TTN: variants seen among roughly 807,000 people sequenced by gnomAD.
TTN encodes connectin.
Under a neutral mutation model 3,223.0 loss-of-function variants are expected in TTN, and 1,525 were observed. That is an observed-to-expected ratio of 0.47 (90% CI 0.45 to 0.49). The LOEUF is 0.49. Among genes scored for constraint, TTN ranks in the 20% least tolerant of loss-of-function variants. TTN has a pLI of 0.00. For missense variants in TTN, 40,786 were observed against 43,424.0 expected (o/e 0.94, Z 5.40); for synonymous variants, 14,094 against 15,161.0 (o/e 0.93, Z 5.17).
chr2:178,578,114 T>C lies in TTN; in HGVS notation c.68401A>G (p.Arg22801Gly), dbSNP rs1465137040. ...KRANKTPIRM[R>G]DFKVTGLTEG... Reference sequence around the variant, plus strand: ...GTTAATCCTGTCACTTTAAAGTCTCTCATCCTTATCGGAGTCTTGTTAGCT... The same window carrying C: ...GTTAATCCTGTCACTTTAAAGTCTCCCATCCTTATCGGAGTCTTGTTAGCT... Residue 22801 changes from arginine to glycine, a missense_variant, in exon 322 of 363, where the codon AGA becomes GGA. Physicochemically the swap from Arg to Gly is moderately radical, Grantham distance 125. Coordinates refer to ENST00000589042, the MANE Select transcript of TTN (RefSeq NM_001267550.2). The C allele has an allele frequency of 6.2e-7, 1 of 1,613,296 alleles. No homozygotes were observed. The highest frequency in any genetic ancestry group is 8.5e-7 in the Non-Finnish European group (1 of 1,179,460).
chr2:178,683,152 A>C, intron 134 of TTN, 59 bp downstream of exon 134: 2 of 1,220,596 alleles, frequency 1.6e-6, no homozygotes, highest in South Asian at 2.6e-5. Context: ...ATTGGGAACT[A>C]GAAGGCAAAG....
chr2:178,720,076 C>T lies in TTN; in HGVS notation c.23566G>A (p.Gly7856Arg). The change falls in exon 81 of 363, where the codon GGG (glycine) becomes AGG (arginine). Residue 7856 changes from glycine (G) to arginine (R), a missense_variant. Gly to Arg is a moderately radical substitution (Grantham distance 125, BLOSUM62 -2). Transcript: ENST00000589042. ...CCAGAATTAGATGCTTCTGGACTCC[C>T]CAGCTGGAGGGTTGCAATGTTATCA... ...FIDNIATLQL[G>R]SPEASNSGKY... 1 of 1,613,666 alleles carries T rather than the reference C, an allele frequency of 6.2e-7. No homozygotes were observed. The highest frequency in any genetic ancestry group is 8.5e-7 in the Non-Finnish European group (1 of 1,179,696).
intron 288 of TTN, 75 bp from the exon 289 acceptor site, chr2:178,599,925 TAA>T (rs1559673633): frequency 7.1e-7 from 1 of 1,408,570 alleles, no homozygotes; most frequent in Non-Finnish European, 9.4e-7. Context: ...ACAGTTACTA[TAA>T]AGTTGTTTGG....
chr2:178,739,654 T>C lies in TTN; in HGVS notation c.13579A>G (p.Lys4527Glu). Reference protein sequence around the residue: ...EPITEPEVESKYLISTEEVSY... With the variant: ...EPITEPEVESEYLISTEEVSY... Reference sequence around the variant, plus strand: ...ACCTCTTCAGTTGAGATCAGATATTTAGATTCAACTTCTGGTTCAGTAATG... The same window carrying C: ...ACCTCTTCAGTTGAGATCAGATATTCAGATTCAACTTCTGGTTCAGTAATG... The change falls in exon 48 of 363, where the codon AAA becomes GAA. Residue 4527 changes from lysine (K) to glutamate (E), a missense_variant. Lys to Glu is a moderately conservative substitution (Grantham distance 56). Transcript: ENST00000589042. 6.2e-7 allele frequency: 1 copy of C among 1,613,952 alleles called. No homozygotes were observed. Among genetic ancestry groups the C allele is most frequent in the Non-Finnish European group, 8.5e-7 (1 of 1,179,852 alleles).
chr2:178,705,988 G>A (rs2075806397), intron 102 of TTN, among the ~76,000 whole-genome samples: 1 of 152,118 alleles, frequency 6.6e-6, no homozygotes, highest in African/African-American at 2.4e-5. Flanking sequence ...CTTAAATTCG[G>A]AAATTGATTC....
rs1160464180 is a variant in TTN, at chr2:178,792,052, A to G, written c.1662+20T>C. 3 of 1,609,780 alleles carry G rather than the reference A, an allele frequency of 1.9e-6. No individual in the cohort carries two copies. Among genetic ancestry groups the G allele is most frequent in the East Asian group, 2.2e-5 (1 of 44,650 alleles). On this transcript the variant is annotated intron_variant, in intron 10 of 362. Coordinates refer to ENST00000589042, the MANE Select transcript of TTN (RefSeq NM_001267550.2). The stretch of plus-strand genomic sequence containing the variant: ...TGATATTGTCAACAAACTACAAAAT[A>G]TTTAGAAAATCAGACTTACTGCTTC...
At chr2:178,703,127 G>A (rs937313688) in intron 106 of TTN, among the ~76,000 whole-genome samples, 14 of 151,960 alleles carry the variant, frequency 9.2e-5, no homozygotes, top group Non-Finnish European at 1.8e-4. Context: ...AAACGCAATC[G>A]GAAATCTGCA....
rs577716745 is a variant in TTN at position 178,802,166 on chromosome 2, C to T, written c.267G>A (p.Ala89=). The T allele has an allele frequency of 1.4e-5, 22 of 1,614,078 alleles. No homozygotes were observed. Among genetic ancestry groups the T allele is most frequent in the Middle Eastern group, 1.7e-4 (1 of 6,054 alleles). ...SLKATNGSGQ[A]TSTAELLVKA... ...TCACGAGAAGCTCAGCAGTACTAGT[C>T]GCTTGTCCAGATCCATTGGTGGCTT... The change falls in exon 3 of 363, where the codon GCG becomes GCA. Residue 89 remains alanine, a synonymous_variant. Coordinates refer to ENST00000589042, the MANE Select transcript of TTN (RefSeq NM_001267550.2).
At position 178,609,280 on chromosome 2, in the gene TTN, G is replaced by A. The variant is rs770072826; in HGVS notation, c.52030C>T (p.His17344Tyr). 2.5e-6 allele frequency: 4 copies of A among 1,585,894 alleles called. No individual in the cohort carries two copies. The highest frequency in any genetic ancestry group is 2.6e-6 in the Non-Finnish European group (3 of 1,166,918). ...LRVRDSLRPD[H>Y]GLYMIKVEND... ...TCAACTTTGATCATATACAGACCAT[G>A]GTCAGGTCGGAGAGAATCTCGGACG... Residue 17344 changes from histidine (H) to tyrosine (Y), a missense_variant, in exon 273 of 363, where the codon CAT becomes TAT. Physicochemically the swap from His to Tyr is moderately conservative, Grantham distance 83. Transcript: ENST00000589042.
rs765550681 is a variant in TTN, at chr2:178,568,498, C to A, written c.77634G>T (p.Gln25878His). ...YGITVANVVG[Q>H]KTASIEIVTL... ...TTACAATTTCGATGGATGCTGTCTTCTGACCAACAACATTGGCAACTGTGA... is the reference window on the plus strand; with the variant it reads ...TTACAATTTCGATGGATGCTGTCTTATGACCAACAACATTGGCAACTGTGA... The change falls in exon 326 of 363, where the codon CAG becomes CAT. Residue 25878 changes from glutamine to histidine, a missense_variant. Physicochemically the swap from Gln to His is conservative, Grantham distance 24. Transcript: ENST00000589042. 15 of 1,613,340 alleles carry A rather than the reference C, an allele frequency of 9.3e-6. No individual in the cohort carries two copies. The highest frequency in any genetic ancestry group is 1.3e-5 in the Non-Finnish European group (15 of 1,179,598).
chr2:178,630,137 T>C, intron 239 of TTN, 104 bp downstream of exon 239: 1 of 1,506,636 alleles, frequency 6.6e-7, no homozygotes, highest in Non-Finnish European at 9.0e-7. Context: ...TTTTGTGTTT[T>C]AATAATATTT....
At position 178,712,744 on chromosome 2, in the gene TTN, C is replaced by T. The variant is rs1256219559; in HGVS notation, c.27281G>A (p.Ser9094Asn). ...ACAAGAAGCCTTGCCAGCTTCATTGCTAACTATGCAAGTATATTCTCCACT... is the reference window on the plus strand; with the variant it reads ...ACAAGAAGCCTTGCCAGCTTCATTGTTAACTATGCAAGTATATTCTCCACT... ...SQSGEYTCIV[S>N]NEAGKASCTT... Residue 9094 changes from serine to asparagine, a missense_variant, in exon 94 of 363, where the codon AGC becomes AAC. Transcript: ENST00000589042. The T allele has an allele frequency of 6.2e-7, 1 of 1,613,820 alleles. No homozygotes were observed. Among genetic ancestry groups the T allele is most frequent in the Admixed American group, 1.7e-5 (1 of 60,010 alleles).
At position 178,720,420 on chromosome 2, in the gene TTN, C is replaced by T. The variant is rs868631561; in HGVS notation, c.23342G>A (p.Gly7781Glu). Residue 7781 changes from glycine (G) to glutamate (E), a missense_variant, in exon 80 of 363, where the codon GGA becomes GAA. By Grantham distance (98) the Gly-to-Glu change is moderately conservative. Coordinates refer to ENST00000589042, the MANE Select transcript of TTN (RefSeq NM_001267550.2). ...EYHCKATNEV[G>E]SDTCSCSVKF... ...GACAGAGCAAGAACACGTGTCACTT[C>T]CCACCTCATTAGTAGCTTTGCAGTG... 5 of 1,613,476 alleles carry T rather than the reference C, an allele frequency of 3.1e-6. No individual in the cohort carries two copies. The South Asian group carries it at 5.5e-5, about 18-fold the overall frequency.
Position 178,572,207 on chromosome 2 carries a change from T to C in TTN, c.73925A>G (p.His24642Arg). 3 of 1,613,500 alleles carry C rather than the reference T, an allele frequency of 1.9e-6. No individual in the cohort carries two copies. Among genetic ancestry groups the C allele is most frequent in the South Asian group, 1.1e-5 (1 of 91,076 alleles). The change falls in exon 326 of 363, where the codon CAT becomes CGT. Residue 24642 changes from histidine (H) to arginine (R), a missense_variant. His to Arg is a conservative substitution (Grantham distance 29). Transcript: ENST00000589042. ...SVSLSWEKPE[H>R]DGGSRILGYI... ...GCCTAGAATTCGGCTGCCTCCATCA[T>C]GCTCTGGTTTCTCCCAAGAGAGTGA... is the stretch of plus-strand genomic sequence containing the variant.
At position 178,528,586 on chromosome 2, in the gene TTN, G is replaced by C. The variant is rs1687599415; in HGVS notation, c.107165C>G (p.Thr35722Ser). 6.2e-7 allele frequency: 1 copy of C among 1,613,044 alleles called. No homozygotes were observed. Among genetic ancestry groups the C allele is most frequent in the African/African-American group, 1.3e-5 (1 of 74,922 alleles). ...NINEGQNVLF[T>S]CEISGEPSPE... is the part of the protein sequence containing the mutation. ...GGATGGCTCGCCACTGATTTCACAA[G>C]TAAAGAGAACATTTTGTCCTTCATT... is the stretch of plus-strand genomic sequence containing the variant. The change falls in exon 360 of 363, where the codon ACT (threonine) becomes AGT (serine). Residue 35722 changes from threonine (T) to serine (S), a missense_variant. Thr to Ser is a moderately conservative substitution (Grantham distance 58). Transcript: ENST00000589042.
At position 178,741,555 on chromosome 2, in the gene TTN, A is replaced by G. The variant is rs1553941782; in HGVS notation, c.11678T>C (p.Met3893Thr). Residue 3893 changes from methionine (M) to threonine (T), a missense_variant, in exon 48 of 363, where the codon ATG (methionine) becomes ACG (threonine). Coordinates refer to ENST00000589042, the MANE Select transcript of TTN (RefSeq NM_001267550.2). ...KLEDEGEYTC[M>T]ASNDYGKTIC... ...TGTCTTTCCATAGTCATTACTGGCCATACATGTATACTCTCCCTCATCCTC... is the reference window on the plus strand; with the variant it reads ...TGTCTTTCCATAGTCATTACTGGCCGTACATGTATACTCTCCCTCATCCTC... The G allele has an allele frequency of 5.6e-6, 9 of 1,613,716 alleles. No individual in the cohort carries two copies. Among genetic ancestry groups the G allele is most frequent in the Non-Finnish European group, 7.6e-6 (9 of 1,179,810 alleles).
Position 178,565,030 on chromosome 2 carries a change from T to C in TTN, c.81102A>G (p.Ile27034Met). The C allele has an allele frequency of 6.2e-7, 1 of 1,613,520 alleles. No individual in the cohort carries two copies. The highest frequency in any genetic ancestry group is 8.5e-7 in the Non-Finnish European group (1 of 1,179,674). The change falls in exon 326 of 363, where the codon ATA becomes ATG. Residue 27034 changes from isoleucine to methionine, a missense_variant. By Grantham distance (10) the Ile-to-Met change is conservative (BLOSUM62 1). Coordinates refer to ENST00000589042, the MANE Select transcript of TTN (RefSeq NM_001267550.2). ...ACTCCGTGCCTGTTTTCAGTTTGGT[T>C]ATTTTAATTGTTGTTCTTGCAACTG... The part of the protein sequence containing the change: ...SATVARTTIK[I>M]TKLKTGTEYQ...
Position 178,594,214 on chromosome 2 carries a change from T to C in TTN, c.58179A>G (p.Arg19393=), listed in dbSNP as rs1576157931. ...LAPPTLHLDF[R]DKLTIRVGEA... ...CACCAACTCGAATCGTGAGCTTATCTCTGAAGTCGAGGTGAAGCGTTGGGG... is the reference window on the plus strand; with the variant it reads ...CACCAACTCGAATCGTGAGCTTATCCCTGAAGTCGAGGTGAAGCGTTGGGG... The change falls in exon 297 of 363, where the codon AGA becomes AGG. Residue 19393 remains arginine, a synonymous_variant. Coordinates refer to ENST00000589042, the MANE Select transcript of TTN (RefSeq NM_001267550.2). The C allele has an allele frequency of 6.2e-7, 1 of 1,613,296 alleles. No individual in the cohort carries two copies. The highest frequency in any genetic ancestry group is 8.5e-7 in the Non-Finnish European group (1 of 1,179,610).
At chr2:178,638,606 G>A (rs1428131965) in intron 223 of TTN, among the ~76,000 whole-genome samples, 2 of 148,610 alleles carry the variant, frequency 1.3e-5, no homozygotes, top group Non-Finnish European at 3.0e-5. Context: ...TGCTTTATCA[G>A]TGGAGATGAT....
Sources: gnomAD v4.1 joint callset for allele counts (sites outside exome capture counted in the v4.1 genomes callset) on GRCh38, gnomAD v4.1.1 for gene constraint, MANE v1.5 for transcripts, NCBI Gene and HGNC (gene_info 2026-07-23, HGNC 2026-07-21) for gene names.